The following ADAM32 variants were observed in gnomAD, a reference collection of about 807,000 sequenced individuals.
ADAM32 encodes the protein disintegrin and metalloproteinase domain-containing protein 32.
Under a neutral mutation model 114.9 loss-of-function variants are expected in ADAM32, and 89 were observed. The ratio of observed to expected loss-of-function variants is 0.77; its 90% CI spans 0.65 to 0.92. The LOEUF is 0.92. ADAM32 is among the 40% of genes least tolerant of loss of function. ADAM32 has a pLI of 0.00. For synonymous variants in ADAM32, 285 were observed against 307.5 expected (o/e 0.93, Z 0.77); for missense variants, 870 against 932.8 (o/e 0.93, Z 0.88).
intron 6 of ADAM32, among the ~76,000 whole-genome samples, chr8:39,153,074 C>T (rs766487261): frequency 3.2e-4 from 49 of 152,266 alleles, no homozygotes; most frequent in Middle Eastern, 6.8e-3. Flanking sequence ...ACTACCATAC[C>T]TCTTCACAAA....
intron 3 of ADAM32, among the ~76,000 whole-genome samples, chr8:39,146,770 A>G (rs2129445385): frequency 6.6e-6 from 1 of 152,304 alleles, no homozygotes; most frequent in Non-Finnish European, 1.5e-5. Context: ...AAAGGAGTCC[A>G]TTAAGGTAGG....
At chr8:39,184,803 A>G (rs1806115552) in intron 10 of ADAM32, among the ~76,000 whole-genome samples, 1 of 152,246 alleles carries the variant, frequency 6.6e-6, no homozygotes, top group South Asian at 2.1e-4. Flanking sequence ...AATCTTCAGT[A>G]TGATGCTCAT....
In ADAM32 at chr8:39,223,113, C is replaced by G. The variant is rs7845771; in HGVS notation, c.1400C>G (p.Thr467Ser). 1,580,593 of 1,591,900 alleles carry G rather than the reference C, an allele frequency of 0.99. 785,324 individuals carry two copies. Among genetic ancestry groups the G allele is most frequent in the East Asian group, 1 (43,532 of 43,532 alleles). Residue 467 changes from threonine to serine, a missense_variant, in exon 14 of 25, where the codon ACC (threonine) becomes AGC (serine). Thr to Ser is a moderately conservative substitution (Grantham distance 58, BLOSUM62 1). Coordinates refer to ENST00000379907, the MANE Select transcript of ADAM32 (RefSeq NM_145004.7). ...ECDIAENCNG[T>S]SPECGPDITL... ...GACATCGCTGAAAATTGTAATGGAACCTCACCAGAATGTGGTCCTGACATA... is the reference window on the plus strand; with the variant it reads ...GACATCGCTGAAAATTGTAATGGAAGCTCACCAGAATGTGGTCCTGACATA...
Position 39,221,952 on chromosome 8 carries a change from C to T in ADAM32, c.1326+250C>T, listed in dbSNP as rs368185313. On this transcript the variant is annotated intron_variant, in intron 13 of 24. Coordinates refer to ENST00000379907, the MANE Select transcript of ADAM32 (RefSeq NM_145004.7). ...AGAGATATTATTGGATTCTTCAATA[C>T]GGAAGACCTCTATTGAATGGAACAA... Among the ~76,000 whole-genome samples, 12 of 151,782 alleles carry T rather than the reference C, an allele frequency of 7.9e-5. 1 individual carries two copies. The highest frequency in any genetic ancestry group is 3.9e-4 in the East Asian group (2 of 5,172).
intron 1 of ADAM32, among the ~76,000 whole-genome samples, chr8:39,117,578 CTTTTAACATTAA>C (rs1840429405): frequency 6.6e-6 from 1 of 151,742 alleles, no homozygotes; most frequent in South Asian, 2.1e-4. Flanking sequence ...GTTCTTTAGT[CTTTTAACATTAA>C]ATACTGTGGT....
chr8:39,199,981 A>G (rs895397728), intron 11 of ADAM32, among the ~76,000 whole-genome samples: 2 of 152,196 alleles, frequency 1.3e-5, no homozygotes, highest in Non-Finnish European at 2.9e-5. Context: ...ATAGTATTCC[A>G]TGGTGTATAT....
intron 18 of ADAM32, among the ~76,000 whole-genome samples, chr8:39,256,566 C>T (rs1811659072): frequency 6.6e-6 from 1 of 151,970 alleles, no homozygotes; most frequent in South Asian, 2.1e-4. Context: ...TTAATATATG[C>T]CAGGTCCAGG....
chr8:39,268,255 T>A (rs1259941727), intron 19 of ADAM32, among the ~76,000 whole-genome samples: 1 of 152,230 alleles, frequency 6.6e-6, no homozygotes, highest in Non-Finnish European at 1.5e-5. Context: ...CTTGTCAATA[T>A]GTGGTCTCAT....
At chr8:39,123,281 T>C (rs1322579861) in intron 2 of ADAM32, among the ~76,000 whole-genome samples, 1 of 152,250 alleles carries the variant, frequency 6.6e-6, no homozygotes, top group Admixed American at 6.5e-5. Context: ...AATTGGGTAG[T>C]GTAAATCCTT....
At chr8:39,275,965 G>A in intron 22 of ADAM32, 99 bp downstream of exon 22, 2 of 1,154,568 alleles carry the variant, frequency 1.7e-6, no homozygotes, top group East Asian at 2.6e-5. Flanking sequence ...ACTATTAACT[G>A]AGTAGCCACA....
chr8:39,187,889 A>G (rs755402681), intron 11 of ADAM32, among the ~76,000 whole-genome samples: 4 of 152,114 alleles, frequency 2.6e-5, no homozygotes, highest in Non-Finnish European at 4.4e-5. Flanking sequence ...GTAGAATTCT[A>G]TAAGTATGTG....
In ADAM32 at chr8:39,246,161, C is replaced by G; in HGVS notation, c.1897C>G (p.His633Asp). Residue 633 changes from histidine (H) to aspartate (D), a missense_variant, in exon 17 of 25, where the codon CAT becomes GAT. Transcript: ENST00000379907. ...TGTTTGTTCACAACAGTGTTCTGGA[C>G]ATGGAGTAAGTAACCACATGTTTCC... ...AHVCSQQCSG[H>D]GVCDSRNKCH... is the part of the protein sequence containing the mutation. 3 of 1,612,116 alleles carry G rather than the reference C, an allele frequency of 1.9e-6. No homozygotes were observed. Among genetic ancestry groups the G allele is most frequent in the Non-Finnish European group, 2.5e-6 (3 of 1,178,700 alleles).
intron 10 of ADAM32, among the ~76,000 whole-genome samples, chr8:39,170,642 A>G (rs1182211974): frequency 6.6e-6 from 1 of 152,058 alleles, no homozygotes; most frequent in East Asian, 1.9e-4. Context: ...ATAGGAACAT[A>G]TAAGAAAATT....
chr8:39,239,784 A>G (rs1247237105), intron 16 of ADAM32, among the ~76,000 whole-genome samples: 2 of 152,238 alleles, frequency 1.3e-5, no homozygotes, highest in Non-Finnish European at 2.9e-5. Flanking sequence ...CTATTCTTAT[A>G]TTAGACAAAA....
intron 12 of ADAM32, among the ~76,000 whole-genome samples, chr8:39,215,857 G>C (rs953884487): frequency 6.6e-6 from 1 of 151,978 alleles, no homozygotes; most frequent in Non-Finnish European, 1.5e-5. Flanking sequence ...AAAAGAATGT[G>C]TGTTTTTCAG....
At chr8:39,131,333 CAT>C (rs987839189) in intron 2 of ADAM32, among the ~76,000 whole-genome samples, 8 of 151,992 alleles carry the variant, frequency 5.3e-5, no homozygotes, top group African/African-American at 1.7e-4. Flanking sequence ...AAAAATAAAA[CAT>C]AAAAAAATAG....
intron 3 of ADAM32, among the ~76,000 whole-genome samples, chr8:39,143,249 G>C (rs1803287565): frequency 6.6e-6 from 1 of 152,132 alleles, no homozygotes; most frequent in African/African-American, 2.4e-5. Context: ...TTGTTCCCTG[G>C]CTGGCGAGGA....
intron 17 of ADAM32, among the ~76,000 whole-genome samples, chr8:39,247,443 C>G (rs1397304134): frequency 6.6e-6 from 1 of 152,084 alleles, no homozygotes; most frequent in Non-Finnish European, 1.5e-5. Flanking sequence ...TTGCATTTTA[C>G]TGATGACATA....
rs1300738034 is a variant in ADAM32 at position 39,159,939 on chromosome 8, T to C, written c.526-958T>C. ...GTTCAAGGACCACAATACTCCCTTA[T>C]AGAAACCCAGCAGCTTTTTTCCCCC... is the stretch of plus-strand genomic sequence containing the variant. On this transcript the variant is annotated intron_variant, in intron 6 of 24. Coordinates refer to ENST00000379907, the MANE Select transcript of ADAM32 (RefSeq NM_145004.7). Among the ~76,000 whole-genome samples the C allele has an allele frequency of 4.6e-5, 7 of 152,316 alleles. No individual in the cohort carries two copies. The South Asian group carries it at 1.5e-3, about 32-fold the overall frequency.
Sources: gnomAD v4.1 joint callset for allele counts (sites outside exome capture counted in the v4.1 genomes callset) on GRCh38, gnomAD v4.1.1 for gene constraint, MANE v1.5 for transcripts, NCBI Gene and HGNC (gene_info 2026-07-23, HGNC 2026-07-21) for gene names.